Variants in SPTBN1 observed in about 807,000 individuals in gnomAD.
The protein encoded by SPTBN1 is spectrin beta, non-erythrocytic 1, also known as spectrin beta chain, non-erythrocytic 1.
Under a neutral mutation model 266.4 loss-of-function variants are expected in SPTBN1, and 32 were observed. That is an observed-to-expected ratio of 0.12 (90% CI 0.09 to 0.16). SPTBN1 has a LOEUF of 0.16. Ranked by LOEUF, SPTBN1 falls within the 10% of genes least tolerant of loss-of-function variation. The probability of loss-of-function intolerance (pLI) is 1.00; values close to 1 mark genes in which losing one functional copy is unlikely to be tolerated. For synonymous variants in SPTBN1, 1,336 were observed against 1,162.2 expected (o/e 1.15, Z -3.04); for missense variants, 2,296 against 3,067.1 (o/e 0.75, Z 5.94).
rs1670813506 is a variant in SPTBN1, at chr2:54,526,338, G to A, written c.-47-34G>A. On this transcript the variant is annotated intron_variant, in intron 1 of 35. Transcript: ENST00000356805. ...TTCCGTGGGGACTGTATACACTTCA[G>A]ACGTCTAAATGTTTTTCCTTTTCTT... 6.4e-6 allele frequency: 10 copies of A among 1,560,600 alleles called. No homozygotes were observed. In the South Asian group the frequency reaches 8.4e-5, roughly 13 times the overall value.
chr2:54,615,151 AGTT>A (rs1677516076), intron 4 of SPTBN1, among the ~76,000 whole-genome samples: 1 of 152,084 alleles, frequency 6.6e-6, no homozygotes, highest in Non-Finnish European at 1.5e-5. Flanking sequence ...TTTTTAATGT[AGTT>A]GTTTCAATTC....
In SPTBN1 at chr2:54,629,976, C is replaced by T. The variant is rs1678624416; in HGVS notation, c.2754C>T (p.Ser918=). Residue 918 remains serine, a synonymous_variant, in exon 15 of 36, where the codon AGC becomes AGT. Transcript: ENST00000356805. ...VNQIARQLMH[S]GHPSEKEIKA... ...AGATTGCACGCCAGCTGATGCACAG[C>T]GGCCACCCAAGTGAGAAGGAAATCA... The T allele has an allele frequency of 8.1e-6, 13 of 1,613,994 alleles. No individual in the cohort carries two copies. Among genetic ancestry groups the T allele is most frequent in the East Asian group, 2.2e-5 (1 of 44,896 alleles).
At chr2:54,549,238 G>A (rs1365738157) in intron 2 of SPTBN1, among the ~76,000 whole-genome samples, 2 of 147,678 alleles carry the variant, frequency 1.4e-5, no homozygotes, top group African/African-American at 5.0e-5. Context: ...GCAGTGAGCC[G>A]AGATTGTGCC....
At chr2:54,531,525 G>A (rs1036365959) in intron 2 of SPTBN1, among the ~76,000 whole-genome samples, 6 of 152,056 alleles carry the variant, frequency 3.9e-5, no homozygotes, top group Non-Finnish European at 8.8e-5. Flanking sequence ...CTGATCTCCA[G>A]TGATCCTCCT....
chr2:54,635,253 G>A (rs1355701909), intron 17 of SPTBN1, among the ~76,000 whole-genome samples: 1 of 152,200 alleles, frequency 6.6e-6, no homozygotes, highest in African/African-American at 2.4e-5. Context: ...ATCCAACATG[G>A]AGAGAATTTC....
At chr2:54,500,217 G>T (rs1322428263) in intron 1 of SPTBN1, among the ~76,000 whole-genome samples, 5 of 152,266 alleles carry the variant, frequency 3.3e-5, no homozygotes, top group South Asian at 2.1e-4. Context: ...ACATTTTATT[G>T]TAAGACTCAT....
At position 54,466,497 on chromosome 2, in the gene SPTBN1, G is replaced by A. The variant is rs1335721031; in HGVS notation, c.-48+9979G>A. The stretch of plus-strand genomic sequence containing the variant: ...GAATGGCGTGAACCCGGGAGGCGAA[G>A]CTTGCAGTGAGCCGAGATCGCGCCA... On this transcript the variant is annotated intron_variant, in intron 1 of 35. Transcript: ENST00000356805. 4.7e-5 allele frequency among the ~76,000 whole-genome samples: 2 copies of A among 42,292 alleles called. 1 individual carries two copies. Among genetic ancestry groups the A allele is most frequent in the Admixed American group, 5.4e-4 (2 of 3,714 alleles). The allele number at this position is 42,292 out of a possible 152,430, so 27.7% of individuals were successfully genotyped here. A position where few individuals can be genotyped will look rare whatever the true frequency, so the allele number is the denominator to read the frequency against.
At chr2:54,570,488 C>G (rs188293075) in intron 2 of SPTBN1, among the ~76,000 whole-genome samples, 33 of 152,282 alleles carry the variant, frequency 2.2e-4, no homozygotes, top group Middle Eastern at 6.8e-3. Flanking sequence ...AGGCTCTGTT[C>G]TACGCTGGTG....
Position 54,543,411 on chromosome 2 carries a change from T to C in SPTBN1, c.148+16845T>C, listed in dbSNP as rs1193508384. On this transcript the variant is annotated intron_variant, in intron 2 of 35. Coordinates refer to ENST00000356805, the MANE Select transcript of SPTBN1 (RefSeq NM_003128.3). ...AAAAGGCCTTCCATATTGAGAAATA[T>C]TGCATTCATGCAAGGGAAGATGAGG... Among the ~76,000 whole-genome samples, 7 of 152,238 alleles carry C rather than the reference T, an allele frequency of 4.6e-5. No homozygotes were observed. The South Asian group carries it at 6.2e-4, about 14-fold the overall frequency.
intron 1 of SPTBN1, among the ~76,000 whole-genome samples, chr2:54,497,064 G>C (rs186863047): frequency 6.6e-6 from 1 of 152,326 alleles, no homozygotes; most frequent in Admixed American, 6.5e-5. Flanking sequence ...GAGATAAACA[G>C]ACAGCATGGA....
At chr2:54,563,866 T>C (rs1418300244) in intron 2 of SPTBN1, among the ~76,000 whole-genome samples, 1 of 152,134 alleles carries the variant, frequency 6.6e-6, no homozygotes, top group African/African-American at 2.4e-5. Flanking sequence ...CCTCCCCAAG[T>C]GCTGACCACA....
In SPTBN1 at chr2:54,629,987, G is replaced by C; in HGVS notation, c.2765G>C (p.Ser922Thr). Reference sequence around the variant, plus strand: ...CAGCTGATGCACAGCGGCCACCCAAGTGAGAAGGAAATCAAAGCCCAGCAG... The same window carrying C: ...CAGCTGATGCACAGCGGCCACCCAACTGAGAAGGAAATCAAAGCCCAGCAG... ...ARQLMHSGHPSEKEIKAQQDK... is the reference protein window; with the variant it reads ...ARQLMHSGHPTEKEIKAQQDK... Residue 922 changes from serine to threonine, a missense_variant, in exon 15 of 36, where the codon AGT (serine) becomes ACT (threonine). Physicochemically the swap from Ser to Thr is moderately conservative, Grantham distance 58. Transcript: ENST00000356805. 6.2e-7 allele frequency: 1 copy of C among 1,614,162 alleles called. No individual in the cohort carries two copies. The highest frequency in any genetic ancestry group is 8.5e-7 in the Non-Finnish European group (1 of 1,180,040).
intron 15 of SPTBN1, among the ~76,000 whole-genome samples, chr2:54,630,288 G>A (rs1018850784): frequency 6.6e-6 from 1 of 152,222 alleles, no homozygotes; most frequent in African/African-American, 2.4e-5. Context: ...TAGGGCCTTG[G>A]TTTGACCTGT....
At chr2:54,503,120 G>A (rs1387315651) in intron 1 of SPTBN1, among the ~76,000 whole-genome samples, 1 of 152,206 alleles carries the variant, frequency 6.6e-6, no homozygotes, top group Non-Finnish European at 1.5e-5. Context: ...TTTGTTGTGT[G>A]GAGGTTAATC....
Position 54,655,171 on chromosome 2 carries a change from A to C in SPTBN1, c.5924A>C (p.Lys1975Thr), listed in dbSNP as rs1214054643. 3 of 1,614,084 alleles carry C rather than the reference A, an allele frequency of 1.9e-6. No individual in the cohort carries two copies. In the Admixed American group the frequency reaches 5.0e-5, roughly 27 times the overall value. Residue 1975 changes from lysine (K) to threonine (T), a missense_variant, in exon 28 of 36, where the codon AAA (lysine) becomes ACA (threonine). By Grantham distance (78) the Lys-to-Thr change is moderately conservative. Coordinates refer to ENST00000356805, the MANE Select transcript of SPTBN1 (RefSeq NM_003128.3). ...DSFTTCIELG[K>T]SLLARKHYAS... ...TTCACAACCTGCATTGAACTTGGGA[A>C]ATCCCTGTTGGCGAGAAAACACTAT...
At chr2:54,658,914 GT>G (rs1680852869) in intron 30 of SPTBN1, among the ~76,000 whole-genome samples, 1 of 152,146 alleles carries the variant, frequency 6.6e-6, no homozygotes, top group Non-Finnish European at 1.5e-5. Context: ...GCTCCCAGGG[GT>G]CCTACAAACA....
chr2:54,659,070 G>T, intron 30 of SPTBN1, 84 bp from the exon 31 acceptor site: 1 of 1,446,078 alleles, frequency 6.9e-7, no homozygotes, highest in Non-Finnish European at 9.7e-7. Flanking sequence ...AACTAGACAG[G>T]AGGACTTCCT....
intron 1 of SPTBN1, among the ~76,000 whole-genome samples, chr2:54,487,154 TTCC>T (rs1263720294): frequency 6.6e-6 from 1 of 151,132 alleles, no homozygotes; most frequent in Non-Finnish European, 1.5e-5. Context: ...TTTTTCTGAT[TTCC>T]TCATTAGGAT....
chr2:54,461,921 G>A (rs1313026338), intron 1 of SPTBN1, among the ~76,000 whole-genome samples: 1 of 152,094 alleles, frequency 6.6e-6, no homozygotes, highest in Non-Finnish European at 1.5e-5. Flanking sequence ...GTCATAATCA[G>A]TATTTTGTCC....
Sources: gnomAD v4.1 joint callset for allele counts (sites outside exome capture counted in the v4.1 genomes callset) on GRCh38, gnomAD v4.1.1 for gene constraint, MANE v1.5 for transcripts, NCBI Gene and HGNC (gene_info 2026-07-23, HGNC 2026-07-21) for gene names.